The following ZNRF3 variants were observed in gnomAD, a reference collection of about 807,000 sequenced individuals.
The protein encoded by ZNRF3 is E3 ubiquitin-protein ligase ZNRF3.
In ZNRF3, 23 loss-of-function variants were observed where a neutral mutation model predicts 72.5. That is an observed-to-expected ratio of 0.32 (90% CI 0.23 to 0.45). The LOEUF is 0.45. Among genes scored for constraint, ZNRF3 ranks in the 20% least tolerant of loss-of-function variants. The probability of loss-of-function intolerance (pLI) is 1.00; values close to 1 mark genes in which losing one functional copy is unlikely to be tolerated. For synonymous variants in ZNRF3, 610 were observed against 545.3 expected (o/e 1.12, Z -1.65); for missense variants, 1,169 against 1,272.1 (o/e 0.92, Z 1.23).
intron 2 of ZNRF3, among the ~76,000 whole-genome samples, chr22:29,035,547 A>G (rs919774789): frequency 2.0e-5 from 3 of 152,172 alleles, no homozygotes; most frequent in African/African-American, 4.8e-5. Flanking sequence ...AGAACAGTGT[A>G]TGTCCAATAT....
intron 2 of ZNRF3, among the ~76,000 whole-genome samples, chr22:29,041,893 T>C (rs1431578106): frequency 6.6e-6 from 1 of 152,178 alleles, no homozygotes; most frequent in Non-Finnish European, 1.5e-5. Context: ...CCGCATGAGA[T>C]GGACCAAAGG....
Position 29,049,704 on chromosome 22 carries a change from T to C in ZNRF3, c.1523T>C (p.Leu508Pro), listed in dbSNP as rs1273317634. The C allele has an allele frequency of 1.2e-6, 2 of 1,605,792 alleles. No homozygotes were observed. The highest frequency in any genetic ancestry group is 1.7e-6 in the Non-Finnish European group (2 of 1,178,016). The change falls in exon 8 of 9, where the codon CTC becomes CCC. Residue 508 changes from leucine (L) to proline (P), a missense_variant. By Grantham distance (98) the Leu-to-Pro change is moderately conservative. This residue lies in a region of ZNRF3 where 783 missense variants were observed against 731.4 expected (regional missense o/e 1.07). Transcript: ENST00000544604. The surrounding 1 kb of genome is among the most constrained non-coding windows in gnomAD (Gnocchi z 5.2). ...CCTCCGAGCGGCAGTGGCAGCCTGC[T>C]CTTCCCCACCGTGGTGCACGTGGCC... ...AFPPSGSGSLLFPTVVHVAPP... is the reference protein window; with the variant it reads ...AFPPSGSGSLPFPTVVHVAPP...
At chr22:29,029,829 C>CT (rs1179579845) in intron 2 of ZNRF3, among the ~76,000 whole-genome samples, 95 of 152,292 alleles carry the variant, frequency 6.2e-4, no homozygotes, top group African/African-American at 2.1e-3. Flanking sequence ...TCCAGAGAGG[C>CT]TGTAGGGTGT....
chr22:29,010,784 T>C (rs6005954), intron 2 of ZNRF3, among the ~76,000 whole-genome samples: 86,943 of 152,026 alleles, frequency 0.57, 25,208 homozygotes, highest in African/African-American at 0.65. Flanking sequence ...GTTCTTGTGC[T>C]TCAACCTCCC....
chr22:28,954,036 A>C (rs1197187910), intron 1 of ZNRF3, among the ~76,000 whole-genome samples: 6 of 152,006 alleles, frequency 3.9e-5, no homozygotes, highest in Non-Finnish European at 8.8e-5. Context: ...TATATAAAGC[A>C]CCTAGGACAG....
intron 1 of ZNRF3, among the ~76,000 whole-genome samples, chr22:28,895,362 T>C (rs1051823416): frequency 2.6e-5 from 4 of 152,222 alleles, no homozygotes; most frequent in Admixed American, 2.6e-4. Flanking sequence ...ACTTAATTGT[T>C]TGTGCTGAAG....
At position 28,913,398 on chromosome 22, in the gene ZNRF3, G is replaced by A. The variant is rs78256173; in HGVS notation, c.300+29332G>A. ...CAGAACTTTTTCTCAAAGGACTCAA[G>A]GTGCTAGGGGATATGGAGTGGCGGG... On this transcript the variant is annotated intron_variant, in intron 1 of 8. Coordinates refer to ENST00000544604, the MANE Select transcript of ZNRF3 (RefSeq NM_001206998.2). 2.6e-4 allele frequency among the ~76,000 whole-genome samples: 39 copies of A among 152,324 alleles called. No homozygotes were observed. In the East Asian group the frequency reaches 6.6e-3, roughly 26 times the overall value.
chr22:28,981,472 GT>G (rs2035763265), intron 1 of ZNRF3, among the ~76,000 whole-genome samples: 1 of 152,168 alleles, frequency 6.6e-6, no homozygotes, highest in African/African-American at 2.4e-5. Context: ...TTATAGGTGT[GT>G]GTCACTATGC....
chr22:28,950,656 A>G (rs1050332005), intron 1 of ZNRF3, among the ~76,000 whole-genome samples: 11 of 152,204 alleles, frequency 7.2e-5, no homozygotes, highest in African/African-American at 2.6e-4. Flanking sequence ...GCCTTCCTCC[A>G]TATCTCTGTT....
chr22:28,926,432 C>T (rs903284817), intron 1 of ZNRF3, among the ~76,000 whole-genome samples: 1 of 151,238 alleles, frequency 6.6e-6, no homozygotes, highest in African/African-American at 2.4e-5. Context: ...ATCCTGCCAC[C>T]TCATCAGTCT....
chr22:29,005,225 T>A (rs546772393), intron 2 of ZNRF3, among the ~76,000 whole-genome samples: 10 of 152,364 alleles, frequency 6.6e-5, no homozygotes, highest in African/African-American at 2.4e-4. Flanking sequence ...GCCAGGCCTC[T>A]GACCCTCACT....
At chr22:28,952,961 T>C (rs533287393) in intron 1 of ZNRF3, among the ~76,000 whole-genome samples, 2 of 152,376 alleles carry the variant, frequency 1.3e-5, no homozygotes, top group East Asian at 3.9e-4. Context: ...GGTTTTCCCT[T>C]GCCTGCCTTT....
At chr22:29,024,051 C>T (rs1220177677) in intron 2 of ZNRF3, among the ~76,000 whole-genome samples, 1 of 152,128 alleles carries the variant, frequency 6.6e-6, no homozygotes, top group African/African-American at 2.4e-5. Flanking sequence ...TTGAGACTTT[C>T]CTAACAGGAA....
intron 1 of ZNRF3, among the ~76,000 whole-genome samples, chr22:28,925,355 C>G (rs368381755): frequency 2.6e-5 from 4 of 152,312 alleles, no homozygotes; most frequent in African/African-American, 9.6e-5. Context: ...AAACCTGTTT[C>G]TGTTAGGTTC....
chr22:29,042,063 A>G (rs1429008293), intron 2 of ZNRF3, among the ~76,000 whole-genome samples: 3 of 152,168 alleles, frequency 2.0e-5, no homozygotes, highest in Non-Finnish European at 4.4e-5. Context: ...TTCCCCTATT[A>G]TAAGTCATCT....
At chr22:28,958,616 C>T (rs1424511546) in intron 1 of ZNRF3, among the ~76,000 whole-genome samples, 2 of 152,048 alleles carry the variant, frequency 1.3e-5, no homozygotes, top group Non-Finnish European at 2.9e-5. Flanking sequence ...TTGTAAAGAC[C>T]GAACACTGGA....
intron 1 of ZNRF3, among the ~76,000 whole-genome samples, chr22:28,965,666 G>A (rs983651285): frequency 6.6e-6 from 1 of 152,198 alleles, no homozygotes; most frequent in Non-Finnish European, 1.5e-5. Flanking sequence ...CAAGACAGAA[G>A]GGCTGGCAGG....
intron 1 of ZNRF3, among the ~76,000 whole-genome samples, chr22:28,967,655 G>A (rs539506901): frequency 1.3e-5 from 2 of 152,100 alleles, no homozygotes; most frequent in South Asian, 2.1e-4. Flanking sequence ...GGCTGGGTGC[G>A]GTGGCTGATG....
intron 8 of ZNRF3, among the ~76,000 whole-genome samples, chr22:29,052,229 T>G (rs555645548): frequency 1.1e-4 from 17 of 152,294 alleles, no homozygotes; most frequent in African/African-American, 3.8e-4. Flanking sequence ...TGCTATCCCC[T>G]CAGTCCAGTC....
Sources: allele counts gnomAD v4.1 joint callset (sites outside exome capture counted in the v4.1 genomes callset), GRCh38; gene constraint gnomAD v4.1.1; regional missense constraint gnomAD v4.1.1; non-coding constraint Gnocchi (gnomAD v3.1); transcripts MANE v1.5; gene names NCBI Gene and HGNC (gene_info 2026-07-23, HGNC 2026-07-21).